IPO11: variants seen among roughly 807,000 people sequenced by gnomAD.
The protein encoded by IPO11 is importin-11.
In IPO11, 66 loss-of-function variants were observed where a neutral mutation model predicts 143.2. The ratio of observed to expected loss-of-function variants is 0.46; its 90% CI spans 0.38 to 0.57. IPO11 has a LOEUF of 0.57. Ranked by LOEUF, IPO11 falls within the 20% of genes least tolerant of loss-of-function variation. The pLI is 0.00. For synonymous variants in IPO11, 385 were observed against 377.8 expected, an observed-to-expected ratio of 1.02 and a Z score of -0.22; for missense variants, 1,026 against 1,141.0, an observed-to-expected ratio of 0.90 and a Z score of 1.45.
At chr5:62,598,430 T>TTCTCTCTCTCTCTCTC (rs1323743350) in intron 28 of IPO11, among the ~76,000 whole-genome samples, 1 of 7,184 alleles carries the variant, frequency 1.4e-4, no homozygotes, top group Non-Finnish European at 2.6e-4. Context: ...CTTTCTTTCT[T>TTCTCTCTCTCTCTCTC]TCTCTCTCTC....
chr5:62,582,867 C>T (rs1249751958), intron 27 of IPO11, among the ~76,000 whole-genome samples: 1 of 151,976 alleles, frequency 6.6e-6, no homozygotes, highest in Admixed American at 6.6e-5. Flanking sequence ...TAATAGTGAC[C>T]TGAACCACAA....
At chr5:62,553,043 T>A (rs893635337) in intron 26 of IPO11, among the ~76,000 whole-genome samples, 4 of 152,218 alleles carry the variant, frequency 2.6e-5, no homozygotes, top group African/African-American at 9.6e-5. Flanking sequence ...TATAGAACAC[T>A]AGAACTTATT....
chr5:62,472,813 G>A (rs1214315066), intron 7 of IPO11, among the ~76,000 whole-genome samples: 1 of 152,162 alleles, frequency 6.6e-6, no homozygotes, highest in Non-Finnish European at 1.5e-5. Flanking sequence ...ACAGGCGTGA[G>A]CCACCACACT....
At chr5:62,413,622 G>A (rs1238214185) in intron 1 of IPO11, among the ~76,000 whole-genome samples, 1 of 152,162 alleles carries the variant, frequency 6.6e-6, no homozygotes, top group African/African-American at 2.4e-5. Flanking sequence ...GCAAGGACTG[G>A]TAAATTACCT....
chr5:62,545,307 C>T (rs1743128866), intron 24 of IPO11, among the ~76,000 whole-genome samples: 1 of 152,056 alleles, frequency 6.6e-6, no homozygotes, highest in African/African-American at 2.4e-5. Flanking sequence ...CAGCTACAAC[C>T]ATCTGATCTT....
At chr5:62,604,565 T>A (rs1745632637) in intron 29 of IPO11, among the ~76,000 whole-genome samples, 1 of 152,154 alleles carries the variant, frequency 6.6e-6, no homozygotes, top group African/African-American at 2.4e-5. Flanking sequence ...ACAGTAATAA[T>A]CTCTAAGTAT....
At chr5:62,618,171 T>G (rs1746211838) in intron 29 of IPO11, among the ~76,000 whole-genome samples, 1 of 152,134 alleles carries the variant, frequency 6.6e-6, no homozygotes, top group Non-Finnish European at 1.5e-5. Flanking sequence ...CACATTAAAG[T>G]AAAACCAGGT....
chr5:62,599,130 T>C (rs369149997), intron 28 of IPO11, among the ~76,000 whole-genome samples: 12 of 152,086 alleles, frequency 7.9e-5, no homozygotes, highest in African/African-American at 2.9e-4. Flanking sequence ...AATTAGACAC[T>C]ATGGGAGTGG....
At chr5:62,626,947 G>T (rs886299577) in intron 29 of IPO11, among the ~76,000 whole-genome samples, 1 of 152,146 alleles carries the variant, frequency 6.6e-6, no homozygotes, top group South Asian at 2.1e-4. Flanking sequence ...TGTTCAGGGG[G>T]CGCTAGGGAA....
At chr5:62,471,502 A>G (rs1204425319) in intron 7 of IPO11, among the ~76,000 whole-genome samples, 2 of 152,182 alleles carry the variant, frequency 1.3e-5, no homozygotes, top group African/African-American at 4.8e-5. Flanking sequence ...AAAATCATTC[A>G]TAATCTTACT....
Position 62,476,756 on chromosome 5 carries a change from A to G in IPO11, c.828+3A>G. On this transcript the variant is annotated splice_donor_region_variant and intron_variant, in intron 9 of 29. Coordinates refer to ENST00000325324, the MANE Select transcript of IPO11 (RefSeq NM_016338.5). ...CCATCATTCTTTTTACTAAAGTGGTAAGTTTTTTAAAAACTTGTTTTCTCA... is the reference window on the plus strand; with the variant it reads ...CCATCATTCTTTTTACTAAAGTGGTGAGTTTTTTAAAAACTTGTTTTCTCA... 6.6e-7 allele frequency: 1 copy of G among 1,511,902 alleles called. No individual in the cohort carries two copies. The highest frequency in any genetic ancestry group is 8.9e-7 in the Non-Finnish European group (1 of 1,126,966). 93.7% of individuals were successfully genotyped at this position (1,511,902 alleles called of 1,614,324 possible).
intron 1 of IPO11, among the ~76,000 whole-genome samples, chr5:62,429,285 G>T (rs544561972): frequency 1.3e-5 from 2 of 151,954 alleles, no homozygotes; most frequent in African/African-American, 2.4e-5. Context: ...TTATGTGACT[G>T]GCTTCTTCTG....
intron 24 of IPO11, among the ~76,000 whole-genome samples, chr5:62,542,770 A>G (rs1743008568): frequency 6.6e-6 from 1 of 152,122 alleles, no homozygotes; most frequent in Non-Finnish European, 1.5e-5. Flanking sequence ...AATTGTTAAC[A>G]TTTCTCATAT....
intron 24 of IPO11, among the ~76,000 whole-genome samples, chr5:62,546,834 C>T (rs1352064179): frequency 6.6e-6 from 1 of 152,046 alleles, no homozygotes; most frequent in African/African-American, 2.4e-5. Flanking sequence ...AAGTAAGGAG[C>T]ATTGTCTCTA....
intron 19 of IPO11, among the ~76,000 whole-genome samples, chr5:62,514,631 A>AGAGGGG (rs2112284077): frequency 6.6e-6 from 1 of 151,508 alleles, no homozygotes; most frequent in East Asian, 1.9e-4. Context: ...AGGGAGAGGG[A>AGAGGGG]GAGGGAGACG....
chr5:62,520,882 C>G (rs1742180384), intron 20 of IPO11, among the ~76,000 whole-genome samples: 2 of 152,220 alleles, frequency 1.3e-5, no homozygotes, highest in African/African-American at 4.8e-5. Flanking sequence ...AATGGGATGG[C>G]TGGGCCAAAT....
At chr5:62,588,308 C>T (rs1447181175) in intron 27 of IPO11, among the ~76,000 whole-genome samples, 4 of 151,880 alleles carry the variant, frequency 2.6e-5, no homozygotes, top group African/African-American at 9.7e-5. Context: ...TTCACTGCAG[C>T]CTTGAACTCC....
intron 20 of IPO11, among the ~76,000 whole-genome samples, chr5:62,516,824 T>G (rs1398725061): frequency 6.6e-6 from 1 of 152,054 alleles, no homozygotes; most frequent in East Asian, 1.9e-4. Context: ...CATCCATCTC[T>G]GTAACTCTTT....
At chr5:62,498,264 G>A (rs181077914) in intron 16 of IPO11, among the ~76,000 whole-genome samples, 4 of 152,112 alleles carry the variant, frequency 2.6e-5, no homozygotes, top group Admixed American at 2.6e-4. Flanking sequence ...CATATCGGTA[G>A]TTCCTTGTGC....
Sources: gnomAD v4.1 joint callset for allele counts (sites outside exome capture counted in the v4.1 genomes callset) on GRCh38, gnomAD v4.1.1 for gene constraint, MANE v1.5 for transcripts, NCBI Gene and HGNC (gene_info 2026-07-23, HGNC 2026-07-21) for gene names.